Variants in EXOC2 observed in about 807,000 individuals in gnomAD.
EXOC2 encodes exocyst complex component 2.
Under a neutral mutation model 131.8 loss-of-function variants are expected in EXOC2, and 70 were observed. That is an observed-to-expected ratio of 0.53 (90% CI 0.44 to 0.65). The LOEUF is 0.65. Among genes scored for constraint, EXOC2 ranks in the 30% least tolerant of loss-of-function variants. EXOC2 has a pLI of 0.00. For synonymous variants in EXOC2, 411 were observed against 398.4 expected (o/e 1.03, Z -0.38); for missense variants, 923 against 1,108.6 (o/e 0.83, Z 2.38).
intron 22 of EXOC2, among the ~76,000 whole-genome samples, chr6:533,720 AC>A (rs1261923478): frequency 6.6e-6 from 1 of 152,034 alleles, no homozygotes; most frequent in Non-Finnish European, 1.5e-5. Flanking sequence ...GGAGGCAGAG[AC>A]CCAAGCATGG....
chr6:533,098 T>C (rs1265160216), intron 22 of EXOC2, among the ~76,000 whole-genome samples: 2 of 152,040 alleles, frequency 1.3e-5, no homozygotes, highest in African/African-American at 2.4e-5. Flanking sequence ...GAGAAGAGCA[T>C]GGGGGAAACG....
At chr6:492,803 A>G (rs887590953) in intron 25 of EXOC2, among the ~76,000 whole-genome samples, 2 of 152,168 alleles carry the variant, frequency 1.3e-5, no homozygotes, top group African/African-American at 4.8e-5. Context: ...TTGGGATGAA[A>G]TGTTCTAAAA....
Position 486,335 on chromosome 6 carries a change from C to A in EXOC2, c.*336G>T. On this transcript the variant is annotated 3_prime_UTR_variant, in exon 28 of 28. Coordinates refer to ENST00000230449, the MANE Select transcript of EXOC2 (RefSeq NM_018303.6). ...TCCGTGAACGGGACACTGAGAAATG[C>A]TTCAATATGTGCCACGCCATTCCAG... 4.5e-6 allele frequency: 1 copy of A among 220,812 alleles called. No individual in the cohort carries two copies. The allele number at this position is 220,812 out of a possible 1,614,324, so 13.7% of individuals were successfully genotyped here. A position where few individuals can be genotyped will look rare whatever the true frequency, so the allele number is the denominator to read the frequency against.
At chr6:572,457 C>T in intron 13 of EXOC2, 63 bp downstream of exon 13, 4 of 1,536,566 alleles carry the variant, frequency 2.6e-6, no homozygotes, top group Non-Finnish European at 3.5e-6. Flanking sequence ...TTAAATCTAA[C>T]ATTTTAAAGA....
chr6:530,030 C>T (rs1424552140), intron 23 of EXOC2, among the ~76,000 whole-genome samples: 5 of 152,176 alleles, frequency 3.3e-5, no homozygotes, highest in East Asian at 1.9e-4. Context: ...TTAATTGAAA[C>T]GCAGCTGCTC....
intron 12 of EXOC2, 70 bp from the exon 13 acceptor site, chr6:572,714 C>T (rs12154040): frequency 0.56 from 862,795 of 1,547,438 alleles, 246,603 homozygotes; most frequent in Admixed American, 0.63. Context: ...AGCATATTGG[C>T]GCACCCCCCT....
At chr6:546,114 A>G (rs1756839860) in intron 22 of EXOC2, among the ~76,000 whole-genome samples, 3 of 152,014 alleles carry the variant, frequency 2.0e-5, no homozygotes, top group African/African-American at 7.2e-5. Context: ...GATTATTTTA[A>G]TTTTTATTTT....
intron 26 of EXOC2, 66 bp from the exon 27 acceptor site, chr6:489,104 G>T: frequency 1.3e-6 from 2 of 1,488,722 alleles, no homozygotes; most frequent in Non-Finnish European, 1.9e-6. Flanking sequence ...AAATTCTTAA[G>T]CATCCCTTAA....
chr6:674,724 T>C (rs1764030492), intron 1 of EXOC2, among the ~76,000 whole-genome samples: 1 of 147,400 alleles, frequency 6.8e-6, no homozygotes, highest in Non-Finnish European at 1.5e-5. Context: ...GTTTGTTTGT[T>C]TGTTTGTTTG....
chr6:497,613 G>A, intron 24 of EXOC2, 124 bp from the exon 25 acceptor site: 1 of 1,263,314 alleles, frequency 7.9e-7, no homozygotes. Context: ...ATTTTTAAAA[G>A]GCCAAAATTA....
intron 1 of EXOC2, among the ~76,000 whole-genome samples, chr6:687,677 T>G (rs185576201): frequency 2.0e-5 from 3 of 152,310 alleles, no homozygotes; most frequent in Non-Finnish European, 4.4e-5. Flanking sequence ...ACTTGCTATG[T>G]CCCAGGCATT....
intron 22 of EXOC2, among the ~76,000 whole-genome samples, chr6:543,531 A>C (rs996511116): frequency 2.0e-5 from 3 of 152,192 alleles, no homozygotes; most frequent in African/African-American, 7.2e-5. Flanking sequence ...ATAATAATGT[A>C]TTGTGTATTT....
intron 6 of EXOC2, among the ~76,000 whole-genome samples, chr6:610,618 G>C (rs1232648983): frequency 6.6e-6 from 1 of 152,130 alleles, no homozygotes; most frequent in Non-Finnish European, 1.5e-5. Flanking sequence ...CAGTAACTAG[G>C]TAATGCAAAT....
intron 24 of EXOC2, 42 bp downstream of exon 24, chr6:499,596 CTTTTTTT>C (rs759170154): frequency 6.8e-7 from 1 of 1,476,558 alleles, no homozygotes; most frequent in African/African-American, 1.4e-5. Context: ...TTTCTTTTTT[CTTTTTTT>C]TGGTTATCCA....
At chr6:678,073 A>G (rs1489693571) in intron 1 of EXOC2, among the ~76,000 whole-genome samples, 1 of 152,204 alleles carries the variant, frequency 6.6e-6, no homozygotes, top group Non-Finnish European at 1.5e-5. Context: ...GCACGCAATG[A>G]GAGATGCTAA....
Position 643,277 on chromosome 6 carries a change from C to T in EXOC2, c.-43-5416G>A, listed in dbSNP as rs6914010. 1.2e-3 allele frequency among the ~76,000 whole-genome samples: 180 copies of T among 152,224 alleles called. 1 individual carries two copies. The highest frequency in any genetic ancestry group is 3.9e-3 in the African/African-American group (163 of 41,560). On this transcript the variant is annotated intron_variant, in intron 1 of 27. Transcript: ENST00000230449. ...ATCCTGACCTGACATTTATAAAACT[C>T]CTTTTCAGGTGCTCATGGAATGTTC... is the stretch of plus-strand genomic sequence containing the variant.
chr6:659,372 G>A (rs898744439), intron 1 of EXOC2, among the ~76,000 whole-genome samples: 1 of 152,092 alleles, frequency 6.6e-6, no homozygotes, highest in Admixed American at 6.5e-5. Flanking sequence ...TTCCCTAACT[G>A]CCCTCCATGG....
intron 10 of EXOC2, among the ~76,000 whole-genome samples, chr6:596,042 C>A (rs1766835): frequency 6.6e-6 from 1 of 151,856 alleles, no homozygotes; most frequent in Non-Finnish European, 1.5e-5. Flanking sequence ...GGCAAGCTTC[C>A]GTGTTTTCAC....
chr6:570,883 A>G (rs1217730961), intron 13 of EXOC2, among the ~76,000 whole-genome samples: 1 of 152,230 alleles, frequency 6.6e-6, no homozygotes, highest in East Asian at 1.9e-4. Flanking sequence ...TTAGGGACAG[A>G]GCAGACACAG....
Sources: gnomAD v4.1 joint callset for allele counts (sites outside exome capture counted in the v4.1 genomes callset) on GRCh38, gnomAD v4.1.1 for gene constraint, MANE v1.5 for transcripts, NCBI Gene and HGNC (gene_info 2026-07-23, HGNC 2026-07-21) for gene names.